GBF1: variants seen among roughly 807,000 people sequenced by gnomAD.
GBF1 encodes golgi brefeldin A resistant guanine nucleotide exchange factor 1, also known as Golgi-specific brefeldin A-resistance guanine nucleotide exchange factor 1.
Under a neutral mutation model 210.5 loss-of-function variants are expected in GBF1, and 114 were observed. The observed-to-expected ratio is 0.54, with a 90% CI of 0.47 to 0.63. The LOEUF (loss-of-function observed/expected upper bound fraction) is 0.63, where lower values mean the gene tolerates loss of function less well. GBF1 is among the 30% of genes least tolerant of loss of function. GBF1 has a pLI of 0.00. For missense variants in GBF1, 1,851 were observed against 2,357.7 expected, an observed-to-expected ratio of 0.79 and a Z score of 4.45; for synonymous variants, 850 against 889.2, an observed-to-expected ratio of 0.96 and a Z score of 0.78.
chr10:102,241,905 C>A (rs534455331), upstream of GBF1, among the ~76,000 whole-genome samples: 2 of 152,216 alleles, frequency 1.3e-5, no homozygotes, highest in African/African-American at 4.8e-5. The surrounding 1 kb of genome is among the most constrained non-coding windows in gnomAD (Gnocchi z 6.7). Context: ...GGTGGGAAGG[C>A]GCACGGGGCC....
At chr10:102,360,981 A>G (rs778516733) in intron 12 of GBF1, 41 bp from the exon 13 acceptor site, 2 of 1,114,050 alleles carry the variant, frequency 1.8e-6, no homozygotes, top group Non-Finnish European at 2.7e-6. Flanking sequence ...CCTCAAAAAA[A>G]AAAAAAAAAA....
In GBF1 at chr10:102,359,799, C is replaced by T. The variant is rs1188154631; in HGVS notation, c.1180+364C>T. ...TTTCCTTTTTTTTTTTTTTTCCTGT[C>T]GCCCAGGCTGGATTGCTGCAGTGGC... On this transcript the variant is annotated intron_variant, in intron 11 of 39. Coordinates refer to ENST00000369983, the MANE Select transcript of GBF1 (RefSeq NM_001377137.1). Among the ~76,000 whole-genome samples the T allele has an allele frequency of 5.0e-5, 7 of 141,142 alleles. No homozygotes were observed. In the South Asian group the frequency reaches 6.6e-4, roughly 13 times the overall value. 92.6% of individuals were successfully genotyped at this position (141,142 alleles called of 152,430 possible).
At chr10:102,272,633 AT>A (rs1288895724) in intron 3 of GBF1, among the ~76,000 whole-genome samples, 1 of 152,216 alleles carries the variant, frequency 6.6e-6, no homozygotes, top group Non-Finnish European at 1.5e-5. Context: ...GATTTTTCTA[AT>A]TCTGTCATTT....
chr10:102,326,164 C>T (rs945781), intron 3 of GBF1, among the ~76,000 whole-genome samples: 22,609 of 152,228 alleles, frequency 0.15, 2,043 homozygotes, highest in East Asian at 0.35. Flanking sequence ...TATCTGAGTT[C>T]TAAGTGCTCA....
At chr10:102,345,229 C>T (rs1002717594) in intron 4 of GBF1, among the ~76,000 whole-genome samples, 3 of 142,504 alleles carry the variant, frequency 2.1e-5, no homozygotes, top group African/African-American at 8.0e-5. Flanking sequence ...TTGCAGAGAG[C>T]AGAGATCGCG....
chr10:102,268,760 A>G (rs150487205), intron 3 of GBF1, among the ~76,000 whole-genome samples: 20 of 152,332 alleles, frequency 1.3e-4, no homozygotes, highest in East Asian at 3.9e-4. Flanking sequence ...CCCTCTGACT[A>G]TCTCTCTATG....
In GBF1 at chr10:102,260,052, TGAA is replaced by T; in HGVS notation, c.103_105del (p.Glu35del). On this transcript the variant is annotated inframe_deletion, in exon 3 of 40. Coordinates refer to ENST00000369983, the MANE Select transcript of GBF1 (RefSeq NM_001377137.1). Reference sequence around the variant, plus strand: ...ACTTTAATCTATGTGTTCTACAGGATGAAGAACGGGATCCTCTGCTGCATAGTT... The same window carrying T: ...ACTTTAATCTATGTGTTCTACAGGATGAACGGGATCCTCTGCTGCATAGTT... The T allele has an allele frequency of 1.3e-6, 2 of 1,576,710 alleles. No individual in the cohort carries two copies. The highest frequency in any genetic ancestry group is 1.7e-6 in the Non-Finnish European group (2 of 1,146,678).
intron 3 of GBF1, among the ~76,000 whole-genome samples, chr10:102,288,728 AAAAAAAAC>A (rs2076178980): frequency 6.9e-6 from 1 of 145,428 alleles, no homozygotes; most frequent in Non-Finnish European, 1.5e-5. Flanking sequence ...AAAGGAAAAA[AAAAAAAAC>A]AAAAAAAAAA....
the GBF1 span, among the ~76,000 whole-genome samples, chr10:102,232,608 G>T: frequency 6.6e-6 from 1 of 152,170 alleles, no homozygotes; most frequent in African/African-American, 2.4e-5. Flanking sequence ...CTTGAACCTG[G>T]GAGGCGGAGG....
At chr10:102,368,544 T>C in intron 22 of GBF1, 90 bp downstream of exon 22, 1 of 886,472 alleles carries the variant, frequency 1.1e-6, no homozygotes, top group East Asian at 2.4e-5. Context: ...CTACTGTTAC[T>C]TCATTAGAAT....
Position 102,367,497 on chromosome 10 carries a change from A to C in GBF1, c.2579A>C (p.Lys860Thr), listed in dbSNP as rs371002874. ...MTLEEFRKNL[K>T]GVNGGKDFEQ... is the part of the protein sequence containing the mutation. ...CTCTAGGAGTTTCGCAAAAATCTGA[A>C]AGGTGTGAATGGAGGCAAGGACTTT... The change falls in exon 21 of 40, where the codon AAA (lysine) becomes ACA (threonine). Residue 860 changes from lysine (K) to threonine (T), a missense_variant. This residue lies in a region of GBF1 where 80 missense variants were observed against 151.4 expected (regional missense o/e 0.53). Coordinates refer to ENST00000369983, the MANE Select transcript of GBF1 (RefSeq NM_001377137.1). 44 of 1,610,452 alleles carry C rather than the reference A, an allele frequency of 2.7e-5. No homozygotes were observed. The highest frequency in any genetic ancestry group is 3.7e-5 in the Non-Finnish European group (44 of 1,176,618).
At chr10:102,290,345 CTAATA>C (rs2076332386) in intron 3 of GBF1, among the ~76,000 whole-genome samples, 1 of 152,018 alleles carries the variant, frequency 6.6e-6, no homozygotes, top group Admixed American at 6.6e-5. Context: ...ATGCATTTAC[CTAATA>C]TATTTATCAT....
At chr10:102,264,216 G>A (rs1390128916) in intron 3 of GBF1, among the ~76,000 whole-genome samples, 11 of 152,282 alleles carry the variant, frequency 7.2e-5, no homozygotes, top group African/African-American at 2.6e-4. Flanking sequence ...GGATTTGCCA[G>A]TTTTTTCTCA....
chr10:102,360,868 G>C (rs761528916), intron 12 of GBF1, among the ~76,000 whole-genome samples, 154 bp from the exon 13 acceptor site: 2 of 152,006 alleles, frequency 1.3e-5, no homozygotes, highest in Admixed American at 6.6e-5. Context: ...CCAGCTTCTT[G>C]GGAGGCTGAG....
intron 17 of GBF1, among the ~76,000 whole-genome samples, chr10:102,364,874 C>T (rs1331853306): frequency 6.6e-6 from 1 of 152,034 alleles, no homozygotes; most frequent in Non-Finnish European, 1.5e-5. Flanking sequence ...AAACCTAACC[C>T]TTTCTTTCTC....
chr10:102,293,059 C>T (rs2076572487), intron 3 of GBF1, among the ~76,000 whole-genome samples: 1 of 151,886 alleles, frequency 6.6e-6, no homozygotes, highest in Non-Finnish European at 1.5e-5. Context: ...TCAAGAGAAC[C>T]TCTTCTATTT....
At chr10:102,381,570 C>A (rs983310102) in intron 39 of GBF1, among the ~76,000 whole-genome samples, 1 of 152,010 alleles carries the variant, frequency 6.6e-6, no homozygotes, top group Non-Finnish European at 1.5e-5. Context: ...TACCTGTAAT[C>A]CCAGCACTTT....
At chr10:102,372,105 G>T (rs918356316) in intron 29 of GBF1, among the ~76,000 whole-genome samples, 1 of 151,476 alleles carries the variant, frequency 6.6e-6, no homozygotes, top group African/African-American at 2.4e-5. Context: ...TTGCTACTCG[G>T]GAGGCTGAGG....
At chr10:102,378,393 C>T (rs1369746339) in intron 33 of GBF1, among the ~76,000 whole-genome samples, 9 of 151,878 alleles carry the variant, frequency 5.9e-5, no homozygotes, top group Admixed American at 4.6e-4. Flanking sequence ...GAGGCTGAGG[C>T]GGGAGGATCA....
Sources: allele counts gnomAD v4.1 joint callset (sites outside exome capture counted in the v4.1 genomes callset), GRCh38; gene constraint gnomAD v4.1.1; regional missense constraint gnomAD v4.1.1; non-coding constraint Gnocchi (gnomAD v3.1); transcripts MANE v1.5; gene names NCBI Gene and HGNC (gene_info 2026-07-23, HGNC 2026-07-21).